Variants in EIF2B3 observed in about 807,000 individuals in gnomAD.
EIF2B3 encodes the protein eukaryotic translation initiation factor 2B subunit gamma, also known as translation initiation factor eIF2B subunit gamma.
A neutral mutation model predicts 54.1 loss-of-function variants in EIF2B3; 20 were observed. The observed-to-expected ratio is 0.37, with a 90% CI of 0.26 to 0.54. The LOEUF (loss-of-function observed/expected upper bound fraction) is 0.54, where lower values mean the gene tolerates loss of function less well. Ranked by LOEUF, EIF2B3 falls within the 20% of genes least tolerant of loss-of-function variation. EIF2B3 has a pLI of 0.86. For synonymous variants in EIF2B3, 153 were observed against 188.1 expected (o/e 0.81, Z 1.52); for missense variants, 448 against 547.8 (o/e 0.82, Z 1.82).
At chr1:44,915,227 G>A (rs1225808289) in intron 5 of EIF2B3, among the ~76,000 whole-genome samples, 1 of 151,194 alleles carries the variant, frequency 6.6e-6, no homozygotes, top group African/African-American at 2.4e-5. Context: ...TTGAGCCTGG[G>A]AGGCGGAGAT....
chr1:44,935,273 C>T (rs1643935221), intron 4 of EIF2B3, among the ~76,000 whole-genome samples: 1 of 151,864 alleles, frequency 6.6e-6, no homozygotes, highest in Non-Finnish European at 1.5e-5. Context: ...GAAAAAAAGC[C>T]CCCTAATAAA....
At chr1:44,897,992 T>C (rs1358103500) in intron 5 of EIF2B3, among the ~76,000 whole-genome samples, 1 of 152,098 alleles carries the variant, frequency 6.6e-6, no homozygotes, top group African/African-American at 2.4e-5. Context: ...CACCTCAGCC[T>C]CCCAGAGTGG....
chr1:44,902,829 T>A (rs1454707690), intron 5 of EIF2B3, among the ~76,000 whole-genome samples: 5 of 85,462 alleles, frequency 5.9e-5, no homozygotes, highest in African/African-American at 1.1e-4. Context: ...ACTCTTTCTT[T>A]AAAAAAAAAA....
chr1:44,960,500 G>C (rs1237634876), intron 3 of EIF2B3, among the ~76,000 whole-genome samples: 1 of 152,120 alleles, frequency 6.6e-6, no homozygotes, highest in East Asian at 1.9e-4. Context: ...TTAGCCAGGC[G>C]AGGTGGCGGG....
rs143486698 is a variant in EIF2B3, at chr1:44,931,891, T to C, written c.455-5152A>G. Reference sequence around the variant, plus strand: ...CAGCACTTTGGGAGGCCAAGGCAGGTGGATCATTTGAGGCTAGGAGTTCAA... The same window carrying C: ...CAGCACTTTGGGAGGCCAAGGCAGGCGGATCATTTGAGGCTAGGAGTTCAA... On this transcript the variant is annotated intron_variant, in intron 4 of 11. Transcript: ENST00000360403. Among the ~76,000 whole-genome samples the C allele has an allele frequency of 4.1e-3, 623 of 152,100 alleles. 5 individuals carry two copies. The highest frequency in any genetic ancestry group is 0.014 in the African/African-American group (592 of 41,480).
chr1:44,970,028 G>A (rs1644384611), intron 3 of EIF2B3: 1 of 152,198 alleles, frequency 6.6e-6, no homozygotes, highest in Non-Finnish European at 1.5e-5. Context: ...ATAAGTCAGG[G>A]AAAGAGGTTT....
chr1:44,900,146 C>T (rs938684282), intron 5 of EIF2B3, among the ~76,000 whole-genome samples: 3 of 152,056 alleles, frequency 2.0e-5, no homozygotes, highest in Non-Finnish European at 4.4e-5. Context: ...TACACATGGA[C>T]ATTAAGATGG....
At chr1:44,929,005 TA>T (rs1279551696) in intron 4 of EIF2B3, among the ~76,000 whole-genome samples, 1 of 152,216 alleles carries the variant, frequency 6.6e-6, no homozygotes, top group African/African-American at 2.4e-5. Context: ...GTTTCATCTA[TA>T]AAATGGGGAT....
chr1:44,923,755 CTTTCT>C (rs2148930501), intron 5 of EIF2B3, among the ~76,000 whole-genome samples: 1 of 151,838 alleles, frequency 6.6e-6, no homozygotes, highest in African/African-American at 2.4e-5. Flanking sequence ...ATTCTAATTT[CTTTCT>C]TTTCCTCCCT....
At chr1:44,877,199 A>C (rs1293086531) in intron 8 of EIF2B3, among the ~76,000 whole-genome samples, 11 of 143,838 alleles carry the variant, frequency 7.6e-5, no homozygotes, top group Admixed American at 2.0e-4. Flanking sequence ...CAATAAAAAA[A>C]AAAAAAAAAA....
intron 11 of EIF2B3, among the ~76,000 whole-genome samples, chr1:44,857,328 G>A (rs1010515690): frequency 6.6e-6 from 1 of 152,062 alleles, no homozygotes; most frequent in African/African-American, 2.4e-5. Flanking sequence ...TCGGGAGTTC[G>A]CAACCAGCCT....
chr1:44,881,642 C>T lies in EIF2B3; in HGVS notation c.754G>A (p.Asp252Asn), dbSNP rs756206284. 2 of 1,614,172 alleles carry T rather than the reference C, an allele frequency of 1.2e-6. No individual in the cohort carries two copies. The highest frequency in any genetic ancestry group is 1.1e-5 in the South Asian group (1 of 91,078). The part of the protein sequence containing the change: ...SQQGQEEKEE[D>N]LKKKELKSLD... ...GACTTCAGCTCCTTTTTCTTTAGAT[C>T]CTCCTCTTTTTCTTCTTGTCCCTGT... Residue 252 changes from aspartate to asparagine, a missense_variant, in exon 7 of 12, where the codon GAT becomes AAT. Asp to Asn is a conservative substitution (Grantham distance 23, BLOSUM62 1). Around this residue, in one of 3 missense-constraint regions of EIF2B3, gnomAD observed 350 missense variants for 414.2 expected, o/e 0.85. Transcript: ENST00000360403. The surrounding 1 kb of genome is among the most constrained non-coding windows in gnomAD (Gnocchi z 4.0).
chr1:44,951,954 ATTTTTTTT>A (rs1171020644), intron 3 of EIF2B3, among the ~76,000 whole-genome samples: 1,464 of 44,656 alleles, frequency 0.033, 170 homozygotes, highest in African/African-American at 0.18. Context: ...TGCCTGGCTA[ATTTTTTTT>A]TTTTTTTTTT....
intron 4 of EIF2B3, among the ~76,000 whole-genome samples, chr1:44,938,415 G>A (rs1042595935): frequency 6.6e-6 from 1 of 152,066 alleles, no homozygotes; most frequent in Non-Finnish European, 1.5e-5. Context: ...GGCAGGCTGA[G>A]GTGGGAGAAT....
chr1:44,852,387 C>T (rs1306695056), intron 11 of EIF2B3, among the ~76,000 whole-genome samples: 1 of 152,170 alleles, frequency 6.6e-6, no homozygotes, highest in African/African-American at 2.4e-5. Context: ...GCGATGCCTT[C>T]CCTTTTGCAC....
At chr1:44,907,819 G>A (rs995097867) in intron 5 of EIF2B3, among the ~76,000 whole-genome samples, 1 of 149,902 alleles carries the variant, frequency 6.7e-6, no homozygotes, top group Non-Finnish European at 1.5e-5. Flanking sequence ...GAACCCAGGA[G>A]GTGGAGGTTG....
At chr1:44,897,546 G>A in intron 5 of EIF2B3, 102 bp from the exon 6 acceptor site, 1 of 919,364 alleles carries the variant, frequency 1.1e-6, no homozygotes, top group Non-Finnish European at 1.7e-6. Flanking sequence ...AAGTTTATGA[G>A]GGTCAGAGGC....
chr1:44,957,122 C>T (rs1049714333), intron 3 of EIF2B3, among the ~76,000 whole-genome samples: 3 of 152,126 alleles, frequency 2.0e-5, no homozygotes, highest in Non-Finnish European at 4.4e-5. Flanking sequence ...AAAAATTAGC[C>T]GGGTATGGTG....
intron 6 of EIF2B3, among the ~76,000 whole-genome samples, chr1:44,889,373 T>A (rs913452454): frequency 1.3e-5 from 2 of 151,810 alleles, no homozygotes; most frequent in Admixed American, 6.6e-5. Context: ...GCATCTCTAC[T>A]AAAAATACAA....
Sources: allele counts gnomAD v4.1 joint callset (sites outside exome capture counted in the v4.1 genomes callset), GRCh38; gene constraint gnomAD v4.1.1; regional missense constraint gnomAD v4.1.1; non-coding constraint Gnocchi (gnomAD v3.1); transcripts MANE v1.5; gene names NCBI Gene and HGNC (gene_info 2026-07-23, HGNC 2026-07-21).